The following COXFA4 variants were observed in gnomAD, a reference collection of about 807,000 sequenced individuals.
COXFA4 encodes the protein cytochrome c oxidase subunit FA4.
At chr7:10,934,287 A>T in the COXFA4 span, among the ~76,000 whole-genome samples, 1 of 151,966 alleles carries the variant, frequency 6.6e-6, no homozygotes, top group Non-Finnish European at 1.5e-5. Context: ...GCTTTTAAAT[A>T]ATACGGTATT....
At chr7:10,938,015 T>A in the COXFA4 span, 1 of 1,268,416 alleles carries the variant, frequency 7.9e-7, no homozygotes, top group East Asian at 2.3e-5. Flanking sequence ...ATATCCAGTT[T>A]CAAGAAAACC....
chr7:10,938,951 AC>A, the COXFA4 span: 1 of 1,288,970 alleles, frequency 7.8e-7, no homozygotes, highest in Non-Finnish European at 1.1e-6. Flanking sequence ...ACACTGGCCA[AC>A]GAGAGATTAC....
the COXFA4 span, among the ~76,000 whole-genome samples, chr7:10,935,174 G>T: frequency 1.3e-5 from 2 of 152,190 alleles, no homozygotes; most frequent in Non-Finnish European, 2.9e-5. Context: ...CACATTCATG[G>T]CATTGTTGCC....
At chr7:10,934,019 G>C in the COXFA4 span, among the ~76,000 whole-genome samples, 4 of 152,010 alleles carry the variant, frequency 2.6e-5, no homozygotes, top group African/African-American at 9.7e-5. Context: ...TTCCAATTCG[G>C]TAAGTTTTTG....
chr7:10,936,302 C>T, the COXFA4 span, among the ~76,000 whole-genome samples: 6 of 152,268 alleles, frequency 3.9e-5, no homozygotes, highest in East Asian at 7.7e-4. Flanking sequence ...ATTTCATTTT[C>T]GGTTCCCAAG....
chr7:10,935,601 T>C, the COXFA4 span, among the ~76,000 whole-genome samples: 21 of 152,312 alleles, frequency 1.4e-4, no homozygotes, highest in Middle Eastern at 3.4e-3. Flanking sequence ...AATTAGGTCA[T>C]GAGGGTGGAA....
chr7:10,932,474 C>G, the COXFA4 span: 2 of 152,322 alleles, frequency 1.3e-5, no homozygotes. Context: ...CCACGTAATT[C>G]AAATACTTAG....
chr7:10,933,696 G>C, the COXFA4 span: 1 of 1,604,054 alleles, frequency 6.2e-7, no homozygotes. Flanking sequence ...AGTAGAACTT[G>C]GAACAGAAAA....
the COXFA4 span, chr7:10,932,113 G>A: frequency 1.3e-5 from 2 of 152,176 alleles, no homozygotes; most frequent in Non-Finnish European, 2.9e-5. Flanking sequence ...ATGGACATTT[G>A]GTAATGTCTC....
At chr7:10,937,607 G>C in the COXFA4 span, among the ~76,000 whole-genome samples, 18 of 152,206 alleles carry the variant, frequency 1.2e-4, no homozygotes, top group Non-Finnish European at 2.4e-4. Flanking sequence ...ATGCTGTGCA[G>C]GGTCTTTGTA....
At chr7:10,935,025 G>A in the COXFA4 span, among the ~76,000 whole-genome samples, 2 of 152,234 alleles carry the variant, frequency 1.3e-5, no homozygotes, top group Non-Finnish European at 2.9e-5. Flanking sequence ...TCCTGCCCAG[G>A]CACCGGGCTA....
At chr7:10,940,046 C>G in the COXFA4 span, 1 of 1,613,824 alleles carries the variant, frequency 6.2e-7, no homozygotes, top group South Asian at 1.1e-5. Flanking sequence ...GACCGATGAT[C>G]TGGCGGAGCA....
At chr7:10,935,124 T>C in the COXFA4 span, among the ~76,000 whole-genome samples, 18 of 152,222 alleles carry the variant, frequency 1.2e-4, no homozygotes, top group Non-Finnish European at 2.2e-4. Flanking sequence ...AGTTCTACGA[T>C]TTGCAGGATC....
the COXFA4 span, chr7:10,932,523 G>A: frequency 6.6e-6 from 1 of 152,176 alleles, no homozygotes; most frequent in Admixed American, 6.5e-5. Context: ...CTACTACCCT[G>A]TAAACATTTA....
chr7:10,938,206 A>G, the COXFA4 span: 2 of 1,419,380 alleles, frequency 1.4e-6, no homozygotes, highest in African/African-American at 1.4e-5. Context: ...AGTGTTTTGT[A>G]CTAAGAATAC....
the COXFA4 span, chr7:10,938,647 A>C: frequency 6.8e-6 from 4 of 590,888 alleles, no homozygotes; most frequent in Non-Finnish European, 1.2e-5. Flanking sequence ...TTCATGAACC[A>C]AAAAAAGTAA....
At chr7:10,937,027 C>A in the COXFA4 span, among the ~76,000 whole-genome samples, 2 of 152,044 alleles carry the variant, frequency 1.3e-5, no homozygotes, top group African/African-American at 4.8e-5. Flanking sequence ...CAGAGTGAGA[C>A]TCTGTCTCCA....
the COXFA4 span, among the ~76,000 whole-genome samples, chr7:10,937,204 T>C: frequency 6.6e-6 from 1 of 152,238 alleles, no homozygotes; most frequent in African/African-American, 2.4e-5. Flanking sequence ...GGAAAGTGCA[T>C]TGAGTGAGTT....
At chr7:10,937,772 G>A in the COXFA4 span, 7 of 291,066 alleles carry the variant, frequency 2.4e-5, no homozygotes, top group Non-Finnish European at 4.5e-5. Context: ...TGGGGATAAG[G>A]CTGAAGAATC....
Sources: gnomAD v4.1 joint callset for allele counts (sites outside exome capture counted in the v4.1 genomes callset) on GRCh38, gnomAD v4.1.1 for gene constraint, MANE v1.5 for transcripts, NCBI Gene and HGNC (gene_info 2026-07-23, HGNC 2026-07-21) for gene names.